The following SLIT2 variants were observed in gnomAD, a reference collection of about 807,000 sequenced individuals.
The protein encoded by SLIT2 is slit guidance ligand 2.
SLIT2 carries 41 observed loss-of-function variants against 185.7 expected under a neutral mutation model. The ratio of observed to expected loss-of-function variants is 0.22; its 90% CI spans 0.17 to 0.29. The LOEUF (loss-of-function observed/expected upper bound fraction) is 0.29. SLIT2 is among the 10% of genes least tolerant of loss of function. The pLI, the probability that SLIT2 is intolerant of heterozygous loss-of-function variation, is 1.00. For missense variants in SLIT2, 1,571 were observed against 1,909.0 expected (o/e 0.82, Z 3.30); for synonymous variants, 693 against 680.2 (o/e 1.02, Z -0.29).
At chr4:20,550,450 T>A (rs1002385387) in intron 24 of SLIT2, among the ~76,000 whole-genome samples, 2 of 152,024 alleles carry the variant, frequency 1.3e-5, no homozygotes, top group African/African-American at 4.8e-5. Flanking sequence ...TTATATGGAA[T>A]ATTTTATTGT....
At chr4:20,331,115 G>A (rs760126873) in intron 4 of SLIT2, among the ~76,000 whole-genome samples, 1 of 152,074 alleles carries the variant, frequency 6.6e-6, no homozygotes, top group Non-Finnish European at 1.5e-5. Context: ...AAGCATTAGA[G>A]GAAATGTCCT....
chr4:20,355,779 G>A (rs774683201), intron 4 of SLIT2, among the ~76,000 whole-genome samples: 10 of 152,194 alleles, frequency 6.6e-5, no homozygotes, highest in South Asian at 2.1e-4. Flanking sequence ...AGAAAGTGAC[G>A]TGATTATCTG....
At chr4:20,447,155 T>C (rs1415237886) in intron 4 of SLIT2, among the ~76,000 whole-genome samples, 1 of 152,200 alleles carries the variant, frequency 6.6e-6, no homozygotes, top group Non-Finnish European at 1.5e-5. Context: ...TCCTTGTTAG[T>C]CACACATTAT....
intron 4 of SLIT2, among the ~76,000 whole-genome samples, chr4:20,313,589 T>A (rs962430137): frequency 1.3e-5 from 2 of 152,164 alleles, no homozygotes; most frequent in Non-Finnish European, 2.9e-5. Context: ...TTTTAGTATA[T>A]CCACTTTACT....
chr4:20,581,805 G>A (rs1023241642), intron 29 of SLIT2, among the ~76,000 whole-genome samples: 2 of 152,096 alleles, frequency 1.3e-5, no homozygotes, highest in East Asian at 3.9e-4. Context: ...GTAGTGCAGT[G>A]GTGCAATCTC....
At chr4:20,417,426 A>ATG (rs10642843) in intron 4 of SLIT2, among the ~76,000 whole-genome samples, 3,877 of 131,050 alleles carry the variant, frequency 0.03, 151 homozygotes, top group African/African-American at 0.058. Flanking sequence ...TCATATATAT[A>ATG]TGTGTGTGTG....
intron 18 of SLIT2, among the ~76,000 whole-genome samples, chr4:20,536,010 A>G (rs1177660829): frequency 6.6e-6 from 1 of 152,236 alleles, no homozygotes; most frequent in Non-Finnish European, 1.5e-5. Flanking sequence ...AAACCTGTGC[A>G]GCATGTTACT....
chr4:20,557,768 T>A (rs1358641865), intron 26 of SLIT2, among the ~76,000 whole-genome samples: 2 of 152,084 alleles, frequency 1.3e-5, no homozygotes, highest in African/African-American at 2.4e-5. Context: ...ATTGAAATCC[T>A]TCTGGAAAAG....
chr4:20,460,768 A>G (rs1003876255), intron 4 of SLIT2, among the ~76,000 whole-genome samples: 2 of 152,188 alleles, frequency 1.3e-5, no homozygotes, highest in African/African-American at 4.8e-5. Context: ...AAGTGAAATA[A>G]GCCAGGTACA....
chr4:20,508,096 A>G (rs892922412), intron 9 of SLIT2, among the ~76,000 whole-genome samples: 3 of 152,028 alleles, frequency 2.0e-5, no homozygotes, highest in African/African-American at 7.2e-5. Context: ...TCCCTTTCTT[A>G]TGACCTAGAT....
At chr4:20,589,002 T>C (rs952263218) in intron 29 of SLIT2, among the ~76,000 whole-genome samples, 20 of 152,218 alleles carry the variant, frequency 1.3e-4, no homozygotes, top group African/African-American at 4.3e-4. Flanking sequence ...AACCAAGTGT[T>C]TTTCTTATAG....
intron 4 of SLIT2, among the ~76,000 whole-genome samples, chr4:20,300,790 T>C (rs907983866): frequency 9.9e-5 from 15 of 152,182 alleles, no homozygotes; most frequent in Non-Finnish European, 1.5e-4. Context: ...TAGGCTTTTA[T>C]GGAACTCTTC....
chr4:20,476,866 T>G (rs542016467), intron 5 of SLIT2, among the ~76,000 whole-genome samples: 42 of 152,292 alleles, frequency 2.8e-4, no homozygotes, highest in African/African-American at 8.2e-4. Flanking sequence ...GTTTAACCTT[T>G]TTGTCATTTA....
intron 7 of SLIT2, among the ~76,000 whole-genome samples, chr4:20,487,081 G>T (rs985493707): frequency 3.3e-5 from 5 of 151,812 alleles, no homozygotes; most frequent in African/African-American, 1.2e-4. Flanking sequence ...GCTTGTAACT[G>T]GAAAATATTA....
chr4:20,286,237 C>T (rs7673645), intron 4 of SLIT2, among the ~76,000 whole-genome samples: 6,004 of 152,210 alleles, frequency 0.039, 320 homozygotes, highest in East Asian at 0.13. Flanking sequence ...CTTTATGCAT[C>T]GTTAATTGTG....
At chr4:20,489,840 G>C (rs1168105147) in intron 8 of SLIT2, 1 of 152,446 alleles carries the variant, frequency 6.6e-6, no homozygotes, top group Admixed American at 6.5e-5. Flanking sequence ...TGTAATCCCA[G>C]CACTTTGGGA....
intron 4 of SLIT2, among the ~76,000 whole-genome samples, chr4:20,271,233 A>G (rs1713570355): frequency 6.6e-6 from 1 of 151,586 alleles, no homozygotes; most frequent in Non-Finnish European, 1.5e-5. Flanking sequence ...AACAAGTGAC[A>G]GAACAAAGGA....
At chr4:20,428,725 G>A (rs1728744391) in intron 4 of SLIT2, among the ~76,000 whole-genome samples, 1 of 152,250 alleles carries the variant, frequency 6.6e-6, no homozygotes, top group Admixed American at 6.5e-5. Context: ...CCTGACTTCT[G>A]TAGTATTCTG....
At chr4:20,518,588 T>TATA (rs1475880730) in intron 11 of SLIT2, among the ~76,000 whole-genome samples, 5 of 7,600 alleles carry the variant, frequency 6.6e-4, no homozygotes, top group African/African-American at 9.5e-4. Context: ...TATATATATA[T>TATA]TTTTTTTTTT....
Sources: allele counts gnomAD v4.1 joint callset (sites outside exome capture counted in the v4.1 genomes callset), GRCh38; gene constraint gnomAD v4.1.1; transcripts MANE v1.5; gene names NCBI Gene and HGNC (gene_info 2026-07-23, HGNC 2026-07-21).